TEX22: variants seen among roughly 807,000 people sequenced by gnomAD.
TEX22 encodes the protein testis-expressed protein 22.
A neutral mutation model predicts 11.3 loss-of-function variants in TEX22; 16 were observed. The observed-to-expected ratio is 1.42, with a 90% CI of 0.96 to 2.15. The LOEUF (loss-of-function observed/expected upper bound fraction) is 2.15. Ranked by LOEUF, TEX22 falls within the 30% of genes most tolerant of loss-of-function variation. TEX22 has a pLI of 0.00. For synonymous variants in TEX22, 97 were observed against 92.3 expected (o/e 1.05, Z -0.29); for missense variants, 220 against 208.6 (o/e 1.05, Z -0.34).
intron 2 of TEX22, among the ~76,000 whole-genome samples, chr14:105,411,122 T>C (rs2081687430): frequency 6.6e-6 from 1 of 152,208 alleles, no homozygotes; most frequent in Admixed American, 6.5e-5. Context: ...GCAGCCCTGC[T>C]GTACATGAAG....
Position 105,413,411 on chromosome 14 carries a change from G to A in TEX22, c.*1578G>A, listed in dbSNP as rs1314667743. 4 of 152,394 alleles carry A rather than the reference G, an allele frequency of 2.6e-5. No individual in the cohort carries two copies. The highest frequency in any genetic ancestry group is 7.2e-5 in the African/African-American group (3 of 41,426). The allele number at this position is 152,394 out of a possible 1,614,324, so 9.4% of individuals were successfully genotyped here. A position where few individuals can be genotyped will look rare whatever the true frequency, so the allele number is the denominator to read the frequency against. On this transcript the variant is annotated 3_prime_UTR_variant, in exon 4 of 4. Coordinates refer to ENST00000451127, the MANE Select transcript of TEX22 (RefSeq NM_001195082.2). The surrounding 1 kb of genome is among the most constrained non-coding windows in gnomAD (Gnocchi z 4.2). ...GGTAAGCAGTTGCCATGGGGGTGAT[G>A]AGCTGGGCAGTCCTCTGTTGCTGAG...
chr14:105,402,287 A>G (rs1555418426), intron 2 of TEX22, among the ~76,000 whole-genome samples: 1 of 152,258 alleles, frequency 6.6e-6, no homozygotes, highest in African/African-American at 2.4e-5. Flanking sequence ...ATTTGCATCT[A>G]ATATGTTACC....
At position 105,399,575 on chromosome 14, in the gene TEX22, C is replaced by T. The variant is rs905608806; in HGVS notation, c.150+85C>T. The T allele has an allele frequency of 3.5e-6, 5 of 1,414,070 alleles. No individual in the cohort carries two copies. In the African/African-American group the frequency reaches 5.8e-5, roughly 16 times the overall value. The allele number at this position is 1,414,070 out of a possible 1,614,324, so 87.6% of individuals were successfully genotyped here. A position where few individuals can be genotyped will look rare whatever the true frequency, so the allele number is the denominator to read the frequency against. ...CTGTCTCTGAAAACTCCAGGCTGGT[C>T]GTGATGAGCAGCCTCAGGGGAGGGC... On this transcript the variant is annotated intron_variant, in intron 2 of 3. Coordinates refer to ENST00000451127, the MANE Select transcript of TEX22 (RefSeq NM_001195082.2).
intron 2 of TEX22, among the ~76,000 whole-genome samples, chr14:105,399,741 G>A (rs2141353752): frequency 6.6e-6 from 1 of 152,330 alleles, no homozygotes; most frequent in East Asian, 1.9e-4. Flanking sequence ...GGTCTTCCAA[G>A]GCCAGGAAGG....
chr14:105,406,990 G>T (rs2081661789), intron 2 of TEX22, among the ~76,000 whole-genome samples: 2 of 151,966 alleles, frequency 1.3e-5, no homozygotes, highest in African/African-American at 2.4e-5. Context: ...TCGCAGCACA[G>T]CTTTGACCAT....
At position 105,411,884 on chromosome 14, in the gene TEX22, C is replaced by T. The variant is rs2081695850; in HGVS notation, c.*51C>T. 1 of 1,381,072 alleles carries T rather than the reference C, an allele frequency of 7.2e-7. No homozygotes were observed. Among genetic ancestry groups the T allele is most frequent in the Non-Finnish European group, 9.4e-7 (1 of 1,064,846 alleles). 85.6% of individuals were successfully genotyped at this position (1,381,072 alleles called of 1,614,324 possible). ...CTTCCAGTGCCTTTCCTTGGGGGCC[C>T]ACGGTGGGGGCAGCCTCTGCGCCTT... On this transcript the variant is annotated 3_prime_UTR_variant, in exon 4 of 4. Coordinates refer to ENST00000451127, the MANE Select transcript of TEX22 (RefSeq NM_001195082.2).
intron 1 of TEX22, among the ~76,000 whole-genome samples, 182 bp downstream of exon 1, chr14:105,398,817 G>C (rs1272241470): frequency 1.3e-5 from 2 of 152,208 alleles, no homozygotes; most frequent in Non-Finnish European, 2.9e-5. Flanking sequence ...CACCGGAGAG[G>C]GCGGGCACGT....
intron 2 of TEX22, among the ~76,000 whole-genome samples, 152 bp from the exon 3 acceptor site, chr14:105,411,216 C>A (rs1318017114): frequency 1.3e-5 from 2 of 152,360 alleles, no homozygotes; most frequent in Middle Eastern, 3.4e-3. Context: ...AGGCCCCGCG[C>A]CGGGAGCTGG....
intron 1 of TEX22, 32 bp from the exon 2 acceptor site, chr14:105,399,270 C>T (rs1595215790): frequency 7.8e-7 from 1 of 1,274,300 alleles, no homozygotes; most frequent in East Asian, 2.6e-5. Context: ...CCTTGTGGGC[C>T]CCGCCCCACC....
At chr14:105,400,782 A>AT (rs1261841857) in intron 2 of TEX22, among the ~76,000 whole-genome samples, 2 of 152,128 alleles carry the variant, frequency 1.3e-5, no homozygotes, top group Non-Finnish European at 2.9e-5. Context: ...GGAAAGAGGT[A>AT]TGGGTGCATC....
Position 105,399,457 on chromosome 14 carries a change from C to T in TEX22, c.117C>T (p.Ser39=). 3 of 1,535,476 alleles carry T rather than the reference C, an allele frequency of 2.0e-6. No individual in the cohort carries two copies. Among genetic ancestry groups the T allele is most frequent in the Non-Finnish European group, 2.6e-6 (3 of 1,146,694 alleles). Residue 39 remains serine (S), a synonymous_variant, in exon 2 of 4, where the codon AGC becomes AGT. Transcript: ENST00000451127. ...IAAWGQPSIQ[S]SVQQGLQTQD... is the part of the protein sequence containing the mutation. ...CCTGGGGCCAGCCCAGTATCCAGAG[C>T]AGCGTTCAGCAGGGACTGCAGACTC... is the stretch of plus-strand genomic sequence containing the variant.
intron 2 of TEX22, among the ~76,000 whole-genome samples, chr14:105,402,852 A>G (rs1415309820): frequency 1.3e-5 from 2 of 151,518 alleles, no homozygotes; most frequent in African/African-American, 4.9e-5. Flanking sequence ...CCTGATGGAG[A>G]TGGTTATCAT....
chr14:105,405,437 A>G (rs1285818530), intron 2 of TEX22, among the ~76,000 whole-genome samples: 1 of 152,262 alleles, frequency 6.6e-6, no homozygotes, highest in African/African-American at 2.4e-5. Flanking sequence ...AAAACGGACT[A>G]AGTGTTCCAG....
At chr14:105,411,114 A>G (rs1407354875) in intron 2 of TEX22, among the ~76,000 whole-genome samples, 1 of 152,218 alleles carries the variant, frequency 6.6e-6, no homozygotes, top group African/African-American at 2.4e-5. Flanking sequence ...GTCCACAGGC[A>G]GCCCTGCTGT....
chr14:105,403,743 C>A (rs1258355748), intron 2 of TEX22, among the ~76,000 whole-genome samples: 1 of 152,102 alleles, frequency 6.6e-6, no homozygotes, highest in African/African-American at 2.4e-5. Context: ...TTTAAACATG[C>A]CAAGCTTCCC....
intron 1 of TEX22, among the ~76,000 whole-genome samples, chr14:105,398,853 G>A (rs2081604079): frequency 6.6e-6 from 1 of 152,222 alleles, no homozygotes; most frequent in Non-Finnish European, 1.5e-5. Flanking sequence ...GGCCTGGGGC[G>A]AGGCCTGGGC....
intron 2 of TEX22, among the ~76,000 whole-genome samples, chr14:105,404,371 C>G (rs1555418716): frequency 6.6e-6 from 1 of 152,224 alleles, no homozygotes; most frequent in Non-Finnish European, 1.5e-5. Context: ...GGAAGTCACA[C>G]TCCTCTCTTT....
chr14:105,401,484 A>T (rs941242754), intron 2 of TEX22, among the ~76,000 whole-genome samples: 1 of 151,432 alleles, frequency 6.6e-6, no homozygotes, highest in Non-Finnish European at 1.5e-5. Flanking sequence ...TCGCAAGGAC[A>T]AAAAACCAGA....
At chr14:105,406,349 C>G (rs782247554) in intron 2 of TEX22, among the ~76,000 whole-genome samples, 1 of 152,168 alleles carries the variant, frequency 6.6e-6, no homozygotes, top group Non-Finnish European at 1.5e-5. Flanking sequence ...TTATAACATT[C>G]AAATGTTTAC....
Sources: gnomAD v4.1 joint callset for allele counts (sites outside exome capture counted in the v4.1 genomes callset) on GRCh38, gnomAD v4.1.1 for gene constraint, Gnocchi (gnomAD v3.1) non-coding constraint, MANE v1.5 for transcripts, NCBI Gene and HGNC (gene_info 2026-07-23, HGNC 2026-07-21) for gene names.